Variants in EPHA7 observed in about 807,000 individuals in gnomAD.
EPHA7 encodes the protein ephrin type-A receptor 7.
A neutral mutation model predicts 112.6 loss-of-function variants in EPHA7; 25 were observed. That is an observed-to-expected ratio of 0.22 (90% confidence interval 0.16 to 0.31). The LOEUF is 0.31. Among genes scored for constraint, EPHA7 ranks in the 10% least tolerant of loss-of-function variants. The pLI, the probability that EPHA7 is intolerant of heterozygous loss-of-function variation, is 1.00. For synonymous variants in EPHA7, 437 were observed against 406.5 expected (o/e 1.07, Z -0.90); for missense variants, 962 against 1,212.6 (o/e 0.79, Z 3.07).
At position 93,246,335 on chromosome 6, in the gene EPHA7, C is replaced by G. The variant is rs570171370; in HGVS notation, c.2726+457G>C. Among the ~76,000 whole-genome samples the G allele has an allele frequency of 2.6e-5, 4 of 152,244 alleles. No homozygotes were observed. In the East Asian group the frequency reaches 7.7e-4, roughly 29 times the overall value. Reference sequence around the variant, plus strand: ...AAAGTGCTGGGATTACAAGCGTGAGCCACCGCACCTAGCCTGAATTTCTCT... The same window carrying G: ...AAAGTGCTGGGATTACAAGCGTGAGGCACCGCACCTAGCCTGAATTTCTCT... On this transcript the variant is annotated intron_variant, in intron 15 of 16. Transcript: ENST00000369303.
intron 5 of EPHA7, among the ~76,000 whole-genome samples, chr6:93,334,079 A>T (rs1774736618): frequency 1.3e-5 from 2 of 151,958 alleles, no homozygotes; most frequent in Non-Finnish European, 2.9e-5. Context: ...ACTAGACAGA[A>T]TAGAGAGCCC....
chr6:93,249,002 A>G (rs1009092155), intron 14 of EPHA7, among the ~76,000 whole-genome samples: 44 of 152,338 alleles, frequency 2.9e-4, no homozygotes, highest in African/African-American at 1.0e-3. Context: ...AGTCTTTACA[A>G]AGTTTCACAC....
chr6:93,292,038 A>G (rs959465137), intron 5 of EPHA7, among the ~76,000 whole-genome samples: 9 of 152,126 alleles, frequency 5.9e-5, no homozygotes, highest in African/African-American at 2.2e-4. Flanking sequence ...GAATTAAACA[A>G]TAACATATGA....
intron 5 of EPHA7, among the ~76,000 whole-genome samples, chr6:93,306,693 C>T (rs1481115558): frequency 6.6e-6 from 1 of 151,988 alleles, no homozygotes; most frequent in Non-Finnish European, 1.5e-5. Flanking sequence ...CAGTTCAAAT[C>T]AATATTTATC....
chr6:93,395,873 A>G (rs138139934), intron 3 of EPHA7, among the ~76,000 whole-genome samples: 33 of 151,930 alleles, frequency 2.2e-4, no homozygotes, highest in African/African-American at 7.7e-4. Flanking sequence ...GTCTCTTTCT[A>G]TCTCTACAAC....
intron 5 of EPHA7, among the ~76,000 whole-genome samples, chr6:93,285,780 G>A (rs1333372282): frequency 6.6e-6 from 1 of 152,160 alleles, no homozygotes; most frequent in Admixed American, 6.5e-5. Flanking sequence ...CAGCCAGCAA[G>A]AAATAACGAA....
At chr6:93,253,327 T>C (rs1438448493) in intron 14 of EPHA7, among the ~76,000 whole-genome samples, 2 of 152,112 alleles carry the variant, frequency 1.3e-5, no homozygotes, top group Non-Finnish European at 1.5e-5. Flanking sequence ...TATGTCATCA[T>C]CCAATTCAAA....
chr6:93,333,325 GT>G (rs1562102929), intron 5 of EPHA7, among the ~76,000 whole-genome samples: 1 of 151,782 alleles, frequency 6.6e-6, no homozygotes, highest in Non-Finnish European at 1.5e-5. Flanking sequence ...CTTTGCTACT[GT>G]AAATTGTGCT....
intron 9 of EPHA7, 84 bp downstream of exon 9, chr6:93,263,776 G>T: frequency 9.6e-7 from 1 of 1,039,928 alleles, no homozygotes; most frequent in Non-Finnish European, 1.5e-6. Context: ...CATGATGCAT[G>T]AGGACTTTGT....
chr6:93,359,001 G>A (rs1220327766), intron 3 of EPHA7, among the ~76,000 whole-genome samples: 1 of 152,104 alleles, frequency 6.6e-6, no homozygotes, highest in African/African-American at 2.4e-5. Flanking sequence ...AAGGCAGGCT[G>A]GTTTCCACTA....
intron 3 of EPHA7, among the ~76,000 whole-genome samples, chr6:93,397,045 GT>G (rs918118888): frequency 2.0e-5 from 3 of 151,296 alleles, no homozygotes; most frequent in African/African-American, 7.3e-5. Flanking sequence ...TCAAATTATA[GT>G]TGAAAATAAC....
chr6:93,310,873 G>A (rs981114279), intron 5 of EPHA7, among the ~76,000 whole-genome samples: 1 of 152,066 alleles, frequency 6.6e-6, no homozygotes, highest in African/African-American at 2.4e-5. Context: ...CTGAAGGTTG[G>A]GGTGGCTGTC....
At chr6:93,407,910 A>G (rs1778796599) in intron 3 of EPHA7, among the ~76,000 whole-genome samples, 1 of 151,910 alleles carries the variant, frequency 6.6e-6, no homozygotes, top group Non-Finnish European at 1.5e-5. Context: ...AAATATATCT[A>G]TTTACTGTGG....
chr6:93,370,884 G>A (rs1328260543), intron 3 of EPHA7, among the ~76,000 whole-genome samples: 2 of 151,376 alleles, frequency 1.3e-5, no homozygotes, highest in African/African-American at 2.4e-5. Context: ...GGTGGCTCAC[G>A]CCTGTAATCC....
At chr6:93,308,823 T>G (rs910624227) in intron 5 of EPHA7, among the ~76,000 whole-genome samples, 1 of 152,140 alleles carries the variant, frequency 6.6e-6, no homozygotes, top group African/African-American at 2.4e-5. Flanking sequence ...CCTAATGGCT[T>G]TTAGATTAGG....
intron 3 of EPHA7, among the ~76,000 whole-genome samples, chr6:93,400,598 A>C (rs562137424): frequency 1.3e-5 from 2 of 152,012 alleles, no homozygotes; most frequent in Non-Finnish European, 2.9e-5. Context: ...TGGTACCATT[A>C]TCACTCACTG....
intron 5 of EPHA7, among the ~76,000 whole-genome samples, chr6:93,312,288 T>C (rs1433732838): frequency 6.6e-6 from 1 of 152,178 alleles, no homozygotes; most frequent in Non-Finnish European, 1.5e-5. Context: ...CACTGAAAAT[T>C]TGTTCTTTAG....
At chr6:93,369,410 A>G (rs1776674251) in intron 3 of EPHA7, among the ~76,000 whole-genome samples, 1 of 152,228 alleles carries the variant, frequency 6.6e-6, no homozygotes, top group South Asian at 2.1e-4. Flanking sequence ...TTTTGCAAAA[A>G]GACAACGTAG....
intron 5 of EPHA7, among the ~76,000 whole-genome samples, chr6:93,329,360 GC>G (rs1774475605): frequency 6.6e-6 from 1 of 151,356 alleles, no homozygotes; most frequent in Admixed American, 6.6e-5. Flanking sequence ...AAGTTTAAAA[GC>G]TTTTGTTAAT....
Sources: allele counts gnomAD v4.1 joint callset (sites outside exome capture counted in the v4.1 genomes callset), GRCh38; gene constraint gnomAD v4.1.1; transcripts MANE v1.5; gene names NCBI Gene and HGNC (gene_info 2026-07-23, HGNC 2026-07-21).